Variants in INTS11 observed in about 807,000 individuals in gnomAD.
INTS11 encodes integrator complex subunit 11.
INTS11 carries 77 observed loss-of-function variants against 78.6 expected under a neutral mutation model. That is an observed-to-expected ratio of 0.98 (90% CI 0.81 to 1.18). The LOEUF (loss-of-function observed/expected upper bound fraction) is 1.18, where lower values mean the gene tolerates loss of function less well. INTS11 is among the 50% of genes most tolerant of loss of function. INTS11 has a pLI of 0.00. For synonymous variants in INTS11, 441 were observed against 326.9 expected, an observed-to-expected ratio of 1.35 and a Z score of -3.77; for missense variants, 875 against 825.9, an observed-to-expected ratio of 1.06 and a Z score of -0.73.
chr1:1,313,032 C>T lies in INTS11; in HGVS notation c.1131+3G>A, dbSNP rs1450423435. The T allele has an allele frequency of 6.2e-7, 1 of 1,611,178 alleles. No individual in the cohort carries two copies. Among genetic ancestry groups the T allele is most frequent in the Non-Finnish European group, 8.5e-7 (1 of 1,179,820 alleles). On this transcript the variant is annotated splice_donor_region_variant and intron_variant, in intron 11 of 16. Transcript: ENST00000435064. ...GCCAGCCCAGTGCGGGGTCGAGACT[C>T]ACCACCTGCCGCCCCTCCATCTCGA...
At position 1,313,873 on chromosome 1, in the gene INTS11, G is replaced by T. The variant is rs779391005; in HGVS notation, c.816C>A (p.Thr272=). The T allele has an allele frequency of 5.6e-6, 9 of 1,613,042 alleles. No homozygotes were observed. In the Middle Eastern group the frequency reaches 4.9e-4, roughly 88 times the overall value. Residue 272 remains threonine, a synonymous_variant, in exon 9 of 17, where the codon ACC becomes ACA. Coordinates refer to ENST00000435064, the MANE Select transcript of INTS11 (RefSeq NM_017871.6). ...GCTTGTAGTAGTGGTTGGCCTTCTC[G>T]GTCAGCCCCGTGGAGAAGTAGATGG... is the stretch of plus-strand genomic sequence containing the variant. ...KVPIYFSTGL[T]EKANHYYKLF...
intron 4 of INTS11, chr1:1,317,407 A>AG: frequency 1.9e-6 from 1 of 538,024 alleles, no homozygotes; most frequent in Non-Finnish European, 2.4e-6. Context: ...AAAAAAAAAG[A>AG]AAAAAAAAAA....
chr1:1,321,819 C>T (rs938152307), intron 1 of INTS11: 13 of 1,022,864 alleles, frequency 1.3e-5, no homozygotes, highest in African/African-American at 5.0e-5. Flanking sequence ...CCTGGGGGCC[C>T]GAGAGGAAAG....
chr1:1,315,662 AGGGGCGGGGAGTGAGGGAGGCGG>A (rs1173147220), intron 4 of INTS11, 44 bp from the exon 5 acceptor site: 4 of 999,706 alleles, frequency 4.0e-6, no homozygotes, highest in Admixed American at 2.1e-5. Flanking sequence ...CTCACAGCAG[AGGGGCGGGGAGTGAGGGAGGCGG>A]GGGACGGGAA....
chr1:1,312,768 C>G lies in INTS11; in HGVS notation c.1294+19G>C. ...TGCTGACCCGAGGTGGGCCCCACGC[C>G]GCCCGCCCGGCTGCCTACGGAGCTC... On this transcript the variant is annotated intron_variant, in intron 12 of 16. Coordinates refer to ENST00000435064, the MANE Select transcript of INTS11 (RefSeq NM_017871.6). 6.2e-7 allele frequency: 1 copy of G among 1,601,008 alleles called. No individual in the cohort carries two copies.
intron 2 of INTS11, chr1:1,320,779 A>G (rs1214586599): frequency 2.8e-6 from 2 of 712,972 alleles, no homozygotes; most frequent in East Asian, 5.4e-5. Flanking sequence ...TCCAGCCTAC[A>G]GGACCCCGGG....
chr1:1,320,007 T>G, intron 3 of INTS11: 1 of 159,498 alleles, frequency 6.3e-6, no homozygotes, highest in Non-Finnish European at 1.3e-5. Flanking sequence ...TCTCCAGGCT[T>G]CACGGGCCTG....
rs759385498 is a variant in INTS11, at chr1:1,315,460, C to CA, written c.529-23dup. On this transcript the variant is annotated intron_variant, in intron 5 of 16. Transcript: ENST00000435064. ...CACCCTGGTGAACGATCAAGGATGCCATGAGGAGGGTGCCTCCCACCCCAG... is the reference window on the plus strand; with the variant it reads ...CACCCTGGTGAACGATCAAGGATGCCAATGAGGAGGGTGCCTCCCACCCCAG... 7 of 1,613,044 alleles carry CA rather than the reference C, an allele frequency of 4.3e-6. No homozygotes were observed. In the South Asian group the frequency reaches 7.7e-5, roughly 18 times the overall value.
At chr1:1,315,109 G>GC in intron 6 of INTS11, 147 bp from the exon 7 acceptor site, 1 of 1,028,338 alleles carries the variant, frequency 9.7e-7, no homozygotes, top group Non-Finnish European at 1.4e-6. Flanking sequence ...AATGCTGTGG[G>GC]CAGCACACTT....
chr1:1,323,402 T>C (rs1288712652), intron 1 of INTS11: 4 of 1,193,964 alleles, frequency 3.4e-6, no homozygotes, highest in Non-Finnish European at 4.6e-6. Context: ...CGTTCTATAC[T>C]GTTACGACTT....
In INTS11 at chr1:1,323,384, C is replaced by G. The variant is rs1185926292; in HGVS notation, c.28+1197G>C. ...CTGGATTTTGACTAATTTTTTCCTTCTTCACATCGTTCTATACTGTTACGA... is the reference window on the plus strand; with the variant it reads ...CTGGATTTTGACTAATTTTTTCCTTGTTCACATCGTTCTATACTGTTACGA... On this transcript the variant is annotated intron_variant, in intron 1 of 16. Transcript: ENST00000435064. 6 of 1,364,760 alleles carry G rather than the reference C, an allele frequency of 4.4e-6. No homozygotes were observed. In the South Asian group the frequency reaches 8.3e-5, roughly 19 times the overall value. 84.5% of individuals were successfully genotyped at this position (1,364,760 alleles called of 1,614,324 possible).
At chr1:1,315,032 G>A (rs1642494179) in intron 6 of INTS11, 70 bp from the exon 7 acceptor site, 4 of 1,573,710 alleles carry the variant, frequency 2.5e-6, no homozygotes, top group South Asian at 2.2e-5. Flanking sequence ...GGTGTGACAA[G>A]CTGGACCCCA....
In INTS11 at chr1:1,314,423, C is replaced by T. The variant is rs550742824; in HGVS notation, c.703-58G>A. 9.2e-4 allele frequency: 1,383 copies of T among 1,499,578 alleles called. 17 individuals carry two copies. Among genetic ancestry groups the T allele is most frequent in the Middle Eastern group, 4.2e-4 (2 of 4,774 alleles). The allele number at this position is 1,499,578 out of a possible 1,614,324, so 92.9% of individuals were successfully genotyped here. A position where few individuals can be genotyped will look rare whatever the true frequency, so the allele number is the denominator to read the frequency against. On this transcript the variant is annotated intron_variant, in intron 7 of 16. Transcript: ENST00000435064. The surrounding 1 kb of genome is among the most constrained non-coding windows in gnomAD (Gnocchi z 4.2). Reference sequence around the variant, plus strand: ...CATGGCCCCTCGACACAGCAGGCAGCGTCCAGTGAGGGCACGGCCAGGTGC... The same window carrying T: ...CATGGCCCCTCGACACAGCAGGCAGTGTCCAGTGAGGGCACGGCCAGGTGC...
In INTS11 at chr1:1,312,842, C is replaced by G. The variant is rs776895685; in HGVS notation, c.1239G>C (p.Val413=). 2 of 1,611,976 alleles carry G rather than the reference C, an allele frequency of 1.2e-6. No homozygotes were observed. The highest frequency in any genetic ancestry group is 3.3e-5 in the Admixed American group (2 of 60,028). Residue 413 remains valine (V), a synonymous_variant, in exon 12 of 17, where the codon GTG becomes GTC. Transcript: ENST00000435064. ...ACTCCATCTTCTTGGCCTCGCCATG[C>G]ACCAGCAGCACGCTCTCCGGCTCTG... ...GQAEPESVLL[V]HGEAKKMEFL...
Position 1,312,213 on chromosome 1 carries a change from G to GCCGGGCCCGGCCCCCCCCCCCCCCC in INTS11, c.1607+12_1607+13insGGGGGGGGGGGGGGGCCGGGCCCGG. 1 of 934,614 alleles carries GCCGGGCCCGGCCCCCCCCCCCCCCC rather than the reference G, an allele frequency of 1.1e-6. No individual in the cohort carries two copies. Among genetic ancestry groups the GCCGGGCCCGGCCCCCCCCCCCCCCC allele is most frequent in the East Asian group, 2.9e-5 (1 of 34,242 alleles). 57.9% of individuals were successfully genotyped at this position (934,614 alleles called of 1,614,324 possible). On this transcript the variant is annotated intron_variant, in intron 15 of 16. Transcript: ENST00000435064. ...CCCAAGGGAGTGGGGGGGGGGCGGG[G>GCCGGGCCCGGCCCCCCCCCCCCCCC]CCGGGCGCCCACCTCTTGAGGTGGC...
Position 1,319,761 on chromosome 1 carries a change from C to G in INTS11, c.201-237G>C, listed in dbSNP as rs1039066715. 5.5e-6 allele frequency: 3 copies of G among 548,754 alleles called. No individual in the cohort carries two copies. The African/African-American group carries it at 5.7e-5, about 10-fold the overall frequency. 34.0% of individuals were successfully genotyped at this position (548,754 alleles called of 1,614,324 possible). ...AACACGTCGGTGACGGCGACATGCT[C>G]GCGAGACAATGCAAAGCTGCTGAGG... On this transcript the variant is annotated intron_variant, in intron 3 of 16. Transcript: ENST00000435064.
intron 4 of INTS11, chr1:1,317,337 G>A (rs564590351): frequency 3.2e-5 from 9 of 280,806 alleles, no homozygotes; most frequent in African/African-American, 1.8e-4. Flanking sequence ...GAGGTTCAAG[G>A]TGAGCTGAGA....
At chr1:1,317,896 C>T (rs773708713) in intron 4 of INTS11, 2 of 152,012 alleles carry the variant, frequency 1.3e-5, no homozygotes, top group Non-Finnish European at 2.9e-5. Context: ...TCTCGCGTCT[C>T]GCTCTGTCTC....
Position 1,314,177 on chromosome 1 carries a change from C to T in INTS11, c.767+124G>A. 1 of 954,236 alleles carries T rather than the reference C, an allele frequency of 1.0e-6. No individual in the cohort carries two copies. Among genetic ancestry groups the T allele is most frequent in the East Asian group, 2.6e-5 (1 of 37,984 alleles). 59.1% of individuals were successfully genotyped at this position (954,236 alleles called of 1,614,324 possible). A position where few individuals can be genotyped will look rare whatever the true frequency, so the allele number is the denominator to read the frequency against. On this transcript the variant is annotated intron_variant, in intron 8 of 16. Coordinates refer to ENST00000435064, the MANE Select transcript of INTS11 (RefSeq NM_017871.6). The surrounding 1 kb of genome is among the most constrained non-coding windows in gnomAD (Gnocchi z 4.2). ...CTGGGGTCACACAGCACACGAGCGGCCCCCCAGGACAGCAGCAAGCAGGGC... is the reference window on the plus strand; with the variant it reads ...CTGGGGTCACACAGCACACGAGCGGTCCCCCAGGACAGCAGCAAGCAGGGC...
Sources: allele counts gnomAD v4.1 joint callset, GRCh38; gene constraint gnomAD v4.1.1; non-coding constraint Gnocchi (gnomAD v3.1); transcripts MANE v1.5; gene names NCBI Gene and HGNC (gene_info 2026-07-23, HGNC 2026-07-21).